CTTN: variants seen among roughly 807,000 people sequenced by gnomAD.
CTTN encodes src substrate cortactin.
Under a neutral mutation model 84.0 loss-of-function variants are expected in CTTN, and 28 were observed. That is an observed-to-expected ratio of 0.33 (90% CI 0.25 to 0.46). The LOEUF (loss-of-function observed/expected upper bound fraction) is 0.46. CTTN is among the 20% of genes least tolerant of loss of function. CTTN has a pLI of 1.00. For synonymous variants in CTTN, 301 were observed against 288.8 expected (o/e 1.04, Z -0.43); for missense variants, 641 against 723.8 (o/e 0.89, Z 1.31).
intron 13 of CTTN, among the ~76,000 whole-genome samples, chr11:70,427,049 C>CT (rs2058307833): frequency 6.6e-6 from 1 of 151,150 alleles, no homozygotes; most frequent in Non-Finnish European, 1.5e-5. Flanking sequence ...AATTGGTTCA[C>CT]TTAAAAAGAA....
intron 17 of CTTN, among the ~76,000 whole-genome samples, chr11:70,434,001 G>A (rs977567099): frequency 6.6e-6 from 1 of 152,154 alleles, no homozygotes; most frequent in African/African-American, 2.4e-5. Flanking sequence ...AGACTCCAGC[G>A]TGTTTCCCAA....
rs567169593 is a variant in CTTN at position 70,413,240 on chromosome 11, A to G, written c.292-1302A>G. Among the ~76,000 whole-genome samples the G allele has an allele frequency of 5.3e-5, 8 of 152,314 alleles. No individual in the cohort carries two copies. The South Asian group carries it at 1.2e-3, about 24-fold the overall frequency. ...ATGCTGCTTGGGTTAGCAGGTTAGC[A>G]TGAGTGGCTCCACATGCTAGAGGGA... On this transcript the variant is annotated intron_variant, in intron 5 of 17. Transcript: ENST00000301843.
chr11:70,422,153 C>T (rs962550515), intron 11 of CTTN: 1 of 312,188 alleles, frequency 3.2e-6, no homozygotes. Context: ...CACAGAGCCA[C>T]ACAGTATGTA....
At position 70,435,907 on chromosome 11, in the gene CTTN, G is replaced by A; in HGVS notation, c.*745G>A. 7 of 1,471,358 alleles carry A rather than the reference G, an allele frequency of 4.8e-6. No homozygotes were observed. The highest frequency in any genetic ancestry group is 2.5e-5 in the East Asian group (1 of 40,394). 91.1% of individuals were successfully genotyped at this position (1,471,358 alleles called of 1,614,324 possible). A position where few individuals can be genotyped will look rare whatever the true frequency, so the allele number is the denominator to read the frequency against. On this transcript the variant is annotated 3_prime_UTR_variant, in exon 18 of 18. Coordinates refer to ENST00000301843, the MANE Select transcript of CTTN (RefSeq NM_005231.4). Reference sequence around the variant, plus strand: ...TCCTTGAAATCCTCCCCTGCCCCGCGGGTCTCTGGATTGGGACGCACAGTG... The same window carrying A: ...TCCTTGAAATCCTCCCCTGCCCCGCAGGTCTCTGGATTGGGACGCACAGTG...
intron 12 of CTTN, among the ~76,000 whole-genome samples, chr11:70,424,415 G>A (rs1055551193): frequency 6.6e-6 from 1 of 152,106 alleles, no homozygotes; most frequent in Admixed American, 6.5e-5. Context: ...CATCCAGGAG[G>A]GGGTGGAGCT....
chr11:70,422,587 G>C (rs910957411), intron 11 of CTTN: 4 of 1,313,088 alleles, frequency 3.0e-6, no homozygotes, highest in Non-Finnish European at 4.0e-6. Flanking sequence ...GAATAAGCCC[G>C]TGCTGGTGCG....
In CTTN at chr11:70,415,732, G is replaced by A. The variant is rs1400346564; in HGVS notation, c.457+15G>A. Reference sequence around the variant, plus strand: ...CTCCCAGAAAGGTAAGACGCGAAAGGTGCAGAAAGAGCCCGCTCCGGGGGC... The same window carrying A: ...CTCCCAGAAAGGTAAGACGCGAAAGATGCAGAAAGAGCCCGCTCCGGGGGC... On this transcript the variant is annotated intron_variant, in intron 7 of 17. Coordinates refer to ENST00000301843, the MANE Select transcript of CTTN (RefSeq NM_005231.4). 1 of 1,613,990 alleles carries A rather than the reference G, an allele frequency of 6.2e-7. No homozygotes were observed.
chr11:70,421,613 C>T (rs370124066), intron 11 of CTTN, 33 bp downstream of exon 11: 155 of 1,507,858 alleles, frequency 1.0e-4, no homozygotes, highest in Middle Eastern at 1.8e-4. Context: ...ACCCTCCCCC[C>T]GACCCTCCTG....
intron 10 of CTTN, among the ~76,000 whole-genome samples, chr11:70,421,112 G>A (rs938750309): frequency 6.6e-6 from 1 of 152,228 alleles, no homozygotes; most frequent in East Asian, 1.9e-4. Context: ...AGCGCCCTCC[G>A]AATCTGCAGG....
chr11:70,406,771 A>G (rs940616377), intron 2 of CTTN, among the ~76,000 whole-genome samples: 10 of 152,232 alleles, frequency 6.6e-5, no homozygotes, highest in Non-Finnish European at 8.8e-5. Context: ...AACATTTATT[A>G]AATTGTAAGT....
chr11:70,429,969 G>A (rs2058337538), intron 14 of CTTN, among the ~76,000 whole-genome samples: 1 of 152,176 alleles, frequency 6.6e-6, no homozygotes, highest in Non-Finnish European at 1.5e-5. Context: ...CCCAGGCCCT[G>A]CCCCTGCAGG....
At chr11:70,399,551 C>T (rs1013685067) in intron 1 of CTTN, among the ~76,000 whole-genome samples, 1 of 152,056 alleles carries the variant, frequency 6.6e-6, no homozygotes, top group Non-Finnish European at 1.5e-5. Context: ...TCGTGAGGCT[C>T]TAAATTTGGA....
chr11:70,435,455 T>A lies in CTTN; in HGVS notation c.*293T>A, dbSNP rs1398063040. The stretch of plus-strand genomic sequence containing the variant: ...TTTTTCTTTTTTGCCAAATTGACTG[T>A]CACGCGGCAGCTTCAGGGAGCTCGC... On this transcript the variant is annotated 3_prime_UTR_variant, in exon 18 of 18. Coordinates refer to ENST00000301843, the MANE Select transcript of CTTN (RefSeq NM_005231.4). The A allele has an allele frequency of 6.6e-7, 1 of 1,523,790 alleles. No homozygotes were observed. Among genetic ancestry groups the A allele is most frequent in the Admixed American group, 2.2e-5 (1 of 44,730 alleles). 94.4% of individuals were successfully genotyped at this position (1,523,790 alleles called of 1,614,324 possible).
In CTTN at chr11:70,421,941, G is replaced by A. The variant is rs542441541; in HGVS notation, c.901+361G>A. 3 of 250,050 alleles carry A rather than the reference G, an allele frequency of 1.2e-5. No individual in the cohort carries two copies. In the East Asian group the frequency reaches 2.8e-4, roughly 23 times the overall value. The allele number at this position is 250,050 out of a possible 1,614,324, so 15.5% of individuals were successfully genotyped here. A position where few individuals can be genotyped will look rare whatever the true frequency, so the allele number is the denominator to read the frequency against. Reference sequence around the variant, plus strand: ...ATTGGTGACTGCCGTGAGCCACTGAGTCAGGCCTTCCAGATGAGGAGAGAG... The same window carrying A: ...ATTGGTGACTGCCGTGAGCCACTGAATCAGGCCTTCCAGATGAGGAGAGAG... On this transcript the variant is annotated intron_variant, in intron 11 of 17. Transcript: ENST00000301843.
intron 10 of CTTN, 118 bp from the exon 11 acceptor site, chr11:70,421,352 C>G (rs1289440067): frequency 1.3e-5 from 10 of 775,394 alleles, no homozygotes; most frequent in African/African-American, 1.0e-4. Flanking sequence ...GCCCTAAGCT[C>G]AGGAGAGCCC....
At chr11:70,429,497 G>T (rs1591450251) in intron 14 of CTTN, among the ~76,000 whole-genome samples, 1 of 152,174 alleles carries the variant, frequency 6.6e-6, no homozygotes, top group African/African-American at 2.4e-5. Flanking sequence ...GCAGAGTCTT[G>T]TCGGCTTCCA....
chr11:70,414,694 G>C (rs748433202), intron 6 of CTTN, 42 bp downstream of exon 6: 8 of 1,466,934 alleles, frequency 5.5e-6, no homozygotes, highest in Non-Finnish European at 6.7e-6. Context: ...TTGGGGCAAG[G>C]GGGGCGTTCC....
chr11:70,431,202 A>C lies in CTTN; in HGVS notation c.1188A>C (p.Arg396Ser). 6.2e-7 allele frequency: 1 copy of C among 1,614,188 alleles called. No individual in the cohort carries two copies. The highest frequency in any genetic ancestry group is 8.5e-7 in the Non-Finnish European group (1 of 1,180,026). ...EARRKLEEQA[R>S]AKTQTPPVSP... Reference sequence around the variant, plus strand: ...GTTTTCAATCACAGGAGCAAGCCAGAGCCAAAACGCAAACGCCCCCTGTGT... The same window carrying C: ...GTTTTCAATCACAGGAGCAAGCCAGCGCCAAAACGCAAACGCCCCCTGTGT... Residue 396 changes from arginine (R) to serine (S), a missense_variant, in exon 15 of 18, where the codon AGA becomes AGC. Arg to Ser is a moderately radical substitution (Grantham distance 110, BLOSUM62 -1). This residue lies in a region of CTTN where 289 missense variants were observed against 273.1 expected (regional missense o/e 1.06). Coordinates refer to ENST00000301843, the MANE Select transcript of CTTN (RefSeq NM_005231.4).
intron 14 of CTTN, among the ~76,000 whole-genome samples, chr11:70,430,834 G>A (rs1320375065): frequency 3.3e-5 from 5 of 152,140 alleles, no homozygotes; most frequent in African/African-American, 7.2e-5. Context: ...GCCCAGTCCC[G>A]GCACTGTCGC....
Sources: allele counts gnomAD v4.1 joint callset (sites outside exome capture counted in the v4.1 genomes callset), GRCh38; gene constraint gnomAD v4.1.1; regional missense constraint gnomAD v4.1.1; transcripts MANE v1.5; gene names NCBI Gene and HGNC (gene_info 2026-07-23, HGNC 2026-07-21).